Variants in TMC5 observed in about 807,000 individuals in gnomAD.
TMC5 encodes transmembrane channel like 5.
TMC5 carries 86 observed loss-of-function variants against 110.5 expected under a neutral mutation model. The observed-to-expected ratio is 0.78, with a 90% CI of 0.65 to 0.93. TMC5 has a LOEUF of 0.93. Ranked by LOEUF, TMC5 falls within the 40% of genes least tolerant of loss-of-function variation. The pLI is 0.00. For missense variants in TMC5, 1,144 were observed against 1,222.8 expected (o/e 0.94, Z 0.96); for synonymous variants, 455 against 439.5 (o/e 1.04, Z -0.44).
intron 20 of TMC5, among the ~76,000 whole-genome samples, chr16:19,495,506 G>A (rs955263191): frequency 3.3e-5 from 5 of 152,102 alleles, no homozygotes; most frequent in Non-Finnish European, 7.3e-5. Context: ...TACATATTTG[G>A]ATATTTGGGT....
chr16:19,459,696 C>T (rs148134183), intron 5 of TMC5, among the ~76,000 whole-genome samples: 1 of 151,978 alleles, frequency 6.6e-6, no homozygotes, highest in East Asian at 1.9e-4. Flanking sequence ...GTGGGAGGAT[C>T]GCTTGAGCCC....
intron 2 of TMC5, among the ~76,000 whole-genome samples, chr16:19,434,390 GATATA>G (rs72124267): frequency 0.32 from 36,907 of 115,132 alleles, 9,611 homozygotes; most frequent in African/African-American, 0.66. Context: ...ATATAATATA[GATATA>G]ATATATATAT....
chr16:19,452,534 T>C (rs1353756500), intron 5 of TMC5, among the ~76,000 whole-genome samples: 1 of 151,642 alleles, frequency 6.6e-6, no homozygotes, highest in Non-Finnish European at 1.5e-5. Flanking sequence ...CTGGCCAACA[T>C]GGTGAAACCC....
intron 12 of TMC5, chr16:19,474,680 CAA>C (rs1968442630): frequency 5.6e-6 from 1 of 180,102 alleles, no homozygotes; most frequent in South Asian, 1.2e-4. Context: ...TAAACAACAA[CAA>C]AAGAGTGAAG....
chr16:19,493,463 CTCTT>C (rs1555486903), intron 19 of TMC5, among the ~76,000 whole-genome samples: 1 of 58,018 alleles, frequency 1.7e-5, no homozygotes, highest in Admixed American at 1.7e-4. Flanking sequence ...CTCTCTCTCT[CTCTT>C]TTTTTTTTTT....
At chr16:19,487,470 G>A in intron 17 of TMC5, 144 bp downstream of exon 17, 1 of 1,116,754 alleles carries the variant, frequency 9.0e-7, no homozygotes, top group African/African-American at 1.6e-5. Context: ...GGGAGGCCAA[G>A]GCGGGTGGAT....
At position 19,484,122 on chromosome 16, in the gene TMC5, T is replaced by C. The variant is rs139639309; in HGVS notation, c.2363+2657T>C. ...AAAGAATAGCTGCCTTTGAATCATGTTGAGGATTAAATGCCATGGTAAATG... is the reference window on the plus strand; with the variant it reads ...AAAGAATAGCTGCCTTTGAATCATGCTGAGGATTAAATGCCATGGTAAATG... On this transcript the variant is annotated intron_variant, in intron 15 of 21. Transcript: ENST00000542583. Among the ~76,000 whole-genome samples, 12 of 151,890 alleles carry C rather than the reference T, an allele frequency of 7.9e-5. No individual in the cohort carries two copies. The East Asian group carries it at 2.1e-3, about 27-fold the overall frequency.
At chr16:19,430,243 C>T (rs1328945609) in intron 1 of TMC5, among the ~76,000 whole-genome samples, 170 bp from the exon 2 acceptor site, 3 of 152,172 alleles carry the variant, frequency 2.0e-5, no homozygotes, top group East Asian at 1.9e-4. Context: ...TAATATTTGA[C>T]CTTTTCTTCT....
intron 15 of TMC5, 115 bp downstream of exon 15, chr16:19,481,580 A>G: frequency 1.3e-6 from 1 of 746,908 alleles, no homozygotes; most frequent in Non-Finnish European, 2.4e-6. Context: ...GTGATAACCC[A>G]TCCAGCCAGT....
intron 12 of TMC5, among the ~76,000 whole-genome samples, chr16:19,474,495 C>G (rs897572802): frequency 1.3e-5 from 2 of 152,004 alleles, no homozygotes; most frequent in Non-Finnish European, 2.9e-5. Context: ...CGAGAACAGC[C>G]TGGGCAACAT....
At chr16:19,410,581 C>T (rs116044333), upstream of TMC5, 6,228 of 152,284 alleles carry the variant, frequency 0.041, 430 homozygotes, top group African/African-American at 0.14. Context: ...ATGCAGACTA[C>T]GGGCGGTGAA....
chr16:19,451,636 A>G lies in TMC5; in HGVS notation c.1048+2005A>G, dbSNP rs147361290. ...GGGGTTTCTCCCCACACACCAAGAA[A>G]GCGATCAATTTTACAGCAGACATCG... On this transcript the variant is annotated intron_variant, in intron 5 of 21. Transcript: ENST00000542583. Among the ~76,000 whole-genome samples the G allele has an allele frequency of 8.9e-3, 1,358 of 152,068 alleles. 9 individuals are homozygous for G. The highest frequency in any genetic ancestry group is 0.012 in the Non-Finnish European group (835 of 67,966).
intron 4 of TMC5, 67 bp downstream of exon 4, chr16:19,444,317 A>T: frequency 2.8e-6 from 4 of 1,431,980 alleles, no homozygotes; most frequent in Non-Finnish European, 3.8e-6. Flanking sequence ...TAGGGGTGCA[A>T]TCATTAAGGA....
intron 20 of TMC5, 72 bp downstream of exon 20, chr16:19,494,438 C>G: frequency 1.0e-6 from 1 of 977,704 alleles, no homozygotes; most frequent in Non-Finnish European, 1.6e-6. Flanking sequence ...CGTCAGAGAA[C>G]TACAGACCAA....
At chr16:19,487,399 A>G in intron 17 of TMC5, 73 bp downstream of exon 17, 2 of 1,541,618 alleles carry the variant, frequency 1.3e-6, no homozygotes, top group South Asian at 1.3e-5. Flanking sequence ...CGTAGGTTTT[A>G]TTATAATTCA....
chr16:19,444,396 G>A lies in TMC5; in HGVS notation c.958+146G>A, dbSNP rs1260565206. ...ACCCTTGTTTTTACATACAAAAGTT[G>A]AGAATTCAGTGTTTAGAGAAGCCAA... On this transcript the variant is annotated intron_variant, in intron 4 of 21. Transcript: ENST00000542583. The A allele has an allele frequency of 4.2e-6, 3 of 710,718 alleles. No homozygotes were observed. In the African/African-American group the frequency reaches 5.4e-5, roughly 13 times the overall value. The allele number at this position is 710,718 out of a possible 1,614,324, so 44.0% of individuals were successfully genotyped here.
At position 19,440,155 on chromosome 16, in the gene TMC5, A is replaced by G. The variant is rs762569789; in HGVS notation, c.117A>G (p.Pro39=). 1.2e-6 allele frequency: 2 copies of G among 1,614,192 alleles called. No individual in the cohort carries two copies. Among genetic ancestry groups the G allele is most frequent in the East Asian group, 4.5e-5 (2 of 44,876 alleles). ...YLKTQGYPDV[P]GPLNNPDYPG... ...AAACTCAAGGTTATCCAGATGTTCC[A>G]GGTCCTCTGAACAATCCAGACTACC... is the stretch of plus-strand genomic sequence containing the variant. Residue 39 remains proline (P), a synonymous_variant, in exon 3 of 22, where the codon CCA becomes CCG. Coordinates refer to ENST00000542583, the MANE Select transcript of TMC5 (RefSeq NM_001261841.2).
In TMC5 at chr16:19,444,101, CA is replaced by C. The variant is rs781342600; in HGVS notation, c.811del (p.Ile271SerfsTer50). 1.2e-6 allele frequency: 2 copies of C among 1,613,838 alleles called. No homozygotes were observed. Among genetic ancestry groups the C allele is most frequent in the African/African-American group, 1.3e-5 (1 of 74,908 alleles). On this transcript the variant is annotated frameshift_variant, in exon 4 of 22. Coordinates refer to ENST00000542583, the MANE Select transcript of TMC5 (RefSeq NM_001261841.2). LOFTEE classifies it high-confidence loss of function. ...TTTAGGGTGCTCAGCAGAACATCTT[CA>C]ATCCAGCCCTCATTTCGTCACAGGA... is the stretch of plus-strand genomic sequence containing the variant. ...MTRGVLSRTS[S>X]IQPSFRHRSD...
Position 19,443,996 on chromosome 16 carries a change from A to ATGGATGG in TMC5, c.789-85_789-84insTGGATGG, listed in dbSNP as rs1967552420. ...AAATAAATGGATGAATACATGATTGAATGGATGGATGGATGGATGGATGGA... is the reference window on the plus strand; with the variant it reads ...AAATAAATGGATGAATACATGATTGATGGATGGATGGATGGATGGATGGATGGATGGA... On this transcript the variant is annotated intron_variant, in intron 3 of 21. Transcript: ENST00000542583. The ATGGATGG allele has an allele frequency of 1.6e-5, 19 of 1,158,602 alleles. No homozygotes were observed. In the African/African-American group the frequency reaches 2.2e-4, roughly 13 times the overall value. 71.8% of individuals were successfully genotyped at this position (1,158,602 alleles called of 1,614,324 possible).
Sources: allele counts gnomAD v4.1 joint callset (sites outside exome capture counted in the v4.1 genomes callset), GRCh38; gene constraint gnomAD v4.1.1; transcripts MANE v1.5; gene names NCBI Gene and HGNC (gene_info 2026-07-23, HGNC 2026-07-21).